KCNK2: variants seen among roughly 807,000 people sequenced by gnomAD.
The protein encoded by KCNK2 is potassium two pore domain channel subfamily K member 2.
In KCNK2, 21 loss-of-function variants were observed where a neutral mutation model predicts 40.5. The observed-to-expected ratio is 0.52, with a 90% CI of 0.37 to 0.75. KCNK2 has a LOEUF of 0.75. Among genes scored for constraint, KCNK2 ranks in the 30% least tolerant of loss-of-function variants. The pLI, the probability that KCNK2 is intolerant of heterozygous loss-of-function variation, is 0.00. For missense variants in KCNK2, 399 were observed against 531.6 expected (o/e 0.75, Z 2.45); for synonymous variants, 191 against 202.2 (o/e 0.94, Z 0.47).
chr1:215,070,880 T>C (rs1222526957), intron 1 of KCNK2, among the ~76,000 whole-genome samples: 1 of 152,154 alleles, frequency 6.6e-6, no homozygotes, highest in East Asian at 1.9e-4. Context: ...CGATCAAATG[T>C]ATCAGAGGTA....
chr1:215,198,261 GAGCTTTAAGTGAACCCTCCAA>G (rs1207887723), intron 6 of KCNK2, among the ~76,000 whole-genome samples: 1 of 152,154 alleles, frequency 6.6e-6, no homozygotes, highest in Non-Finnish European at 1.5e-5. Flanking sequence ...GCTATGACCA[GAGCTTTAAGTGAACCCTCCAA>G]AGTTTCAGCT....
At chr1:215,152,290 A>G (rs1662719262) in intron 3 of KCNK2, among the ~76,000 whole-genome samples, 2 of 152,140 alleles carry the variant, frequency 1.3e-5, no homozygotes, top group Non-Finnish European at 2.9e-5. Flanking sequence ...AATGAGACAT[A>G]TGGCACTACC....
intron 1 of KCNK2, among the ~76,000 whole-genome samples, chr1:215,033,213 T>G (rs978146195): frequency 7.3e-5 from 11 of 151,656 alleles, no homozygotes; most frequent in Admixed American, 2.0e-4. Context: ...TCTTTTTTTT[T>G]TTTTTGTAGT....
In KCNK2 at chr1:215,219,674, T is replaced by A. The variant is rs552528492; in HGVS notation, c.964-15154T>A. Among the ~76,000 whole-genome samples the A allele has an allele frequency of 2.0e-4, 31 of 152,208 alleles. No homozygotes were observed. The South Asian group carries it at 6.0e-3, about 30-fold the overall frequency. ...TTTTCTCTGTCTATTTAATGCATATTTTTTTTGGAAAGGCATTTTGAGATT... is the reference window on the plus strand; with the variant it reads ...TTTTCTCTGTCTATTTAATGCATATATTTTTTGGAAAGGCATTTTGAGATT... On this transcript the variant is annotated intron_variant, in intron 6 of 6. Transcript: ENST00000444842.
At chr1:215,069,586 G>A (rs1658677321) in intron 1 of KCNK2, among the ~76,000 whole-genome samples, 1 of 152,082 alleles carries the variant, frequency 6.6e-6, no homozygotes, top group Admixed American at 6.5e-5. Flanking sequence ...AATGTTTATT[G>A]AGTTCTTAAT....
intron 1 of KCNK2, among the ~76,000 whole-genome samples, chr1:215,042,002 C>T (rs1052341446): frequency 6.6e-6 from 1 of 152,150 alleles, no homozygotes; most frequent in Non-Finnish European, 1.5e-5. Flanking sequence ...AGAGCATTTG[C>T]AGGGGAACTC....
chr1:215,171,934 C>A, intron 4 of KCNK2, 63 bp from the exon 5 acceptor site: 1 of 1,129,086 alleles, frequency 8.9e-7, no homozygotes, highest in Non-Finnish European at 1.2e-6. Context: ...CTCTCTCTCT[C>A]TCTCTCTCCC....
intron 5 of KCNK2, among the ~76,000 whole-genome samples, chr1:215,178,041 T>C (rs1664060539): frequency 6.6e-6 from 1 of 152,076 alleles, no homozygotes; most frequent in Non-Finnish European, 1.5e-5. Flanking sequence ...TTGTGTTACC[T>C]ATAATTTCTT....
Position 215,148,084 on chromosome 1 carries a change from T to C in KCNK2, c.476-21115T>C, listed in dbSNP as rs12734425. ...TTATTTTTTTATTTTCTTTTCCTTTTTTTTTTTTTTTTTTGGCAGGGTCTT... is the reference window on the plus strand; with the variant it reads ...TTATTTTTTTATTTTCTTTTCCTTTCTTTTTTTTTTTTTTGGCAGGGTCTT... On this transcript the variant is annotated intron_variant, in intron 3 of 6. Transcript: ENST00000444842. 9.5e-4 allele frequency among the ~76,000 whole-genome samples: 10 copies of C among 10,492 alleles called. 1 individual carries two copies. Among genetic ancestry groups the C allele is most frequent in the African/African-American group, 1.3e-3 (3 of 2,314 alleles). 6.9% of individuals were successfully genotyped at this position (10,492 alleles called of 152,430 possible).
intron 1 of KCNK2, among the ~76,000 whole-genome samples, chr1:215,075,789 T>G (rs1658906138): frequency 6.6e-6 from 1 of 152,234 alleles, no homozygotes; most frequent in African/African-American, 2.4e-5. Context: ...CTGCCCAGTT[T>G]CTCACAACTG....
intron 6 of KCNK2, among the ~76,000 whole-genome samples, chr1:215,216,339 A>C (rs1010182514): frequency 6.7e-6 from 1 of 149,046 alleles, no homozygotes. Context: ...CCACTAATAT[A>C]GAATATATAT....
At chr1:215,100,662 T>C (rs1388542157) in intron 2 of KCNK2, among the ~76,000 whole-genome samples, 1 of 151,994 alleles carries the variant, frequency 6.6e-6, no homozygotes, top group Non-Finnish European at 1.5e-5. Context: ...TAGGAGATGG[T>C]TTCTCAGAAC....
intron 1 of KCNK2, among the ~76,000 whole-genome samples, chr1:215,072,421 C>T (rs1021400025): frequency 2.0e-5 from 3 of 152,212 alleles, no homozygotes; most frequent in South Asian, 4.1e-4. Flanking sequence ...CATGTTTAGC[C>T]TGCAAACACA....
chr1:215,194,959 C>A lies in KCNK2; in HGVS notation c.830C>A (p.Ser277Tyr), dbSNP rs749010897. 1.1e-5 allele frequency: 18 copies of A among 1,613,106 alleles called. No homozygotes were observed. The highest frequency in any genetic ancestry group is 2.5e-6 in the Non-Finnish European group (3 of 1,179,406). ...IGFGDYVAGG[S>Y]DIEYLDFYKP... ...TACTTTGTTTTGTCTCCAGGTGGAT[C>A]CGATATTGAATATCTGGACTTCTAT... is the stretch of plus-strand genomic sequence containing the variant. Residue 277 changes from serine to tyrosine, a missense_variant, in exon 6 of 7, where the codon TCC becomes TAC. Ser to Tyr is a moderately radical substitution (Grantham distance 144). Around this residue, in one of 3 missense-constraint regions of KCNK2, gnomAD observed 279 missense variants for 353.8 expected, o/e 0.79. Transcript: ENST00000444842.
At chr1:215,086,224 A>T (rs1659427849) in intron 1 of KCNK2, 144 bp from the exon 2 acceptor site, 1 of 642,400 alleles carries the variant, frequency 1.6e-6, no homozygotes. Flanking sequence ...AGATCTAGTG[A>T]CAGCACTCCT....
At chr1:215,013,273 G>A (rs1029537186) in intron 1 of KCNK2, among the ~76,000 whole-genome samples, 3 of 152,188 alleles carry the variant, frequency 2.0e-5, no homozygotes, top group Non-Finnish European at 4.4e-5. Context: ...CTTTGCACTT[G>A]TACTAAAAAT....
At chr1:215,168,615 A>G (rs1408200289) in intron 3 of KCNK2, among the ~76,000 whole-genome samples, 1 of 152,206 alleles carries the variant, frequency 6.6e-6, no homozygotes, top group East Asian at 1.9e-4. Flanking sequence ...AGAAAACCAA[A>G]CACCACATGT....
chr1:215,102,022 G>A (rs749939829), intron 2 of KCNK2, among the ~76,000 whole-genome samples: 35 of 151,662 alleles, frequency 2.3e-4, no homozygotes, highest in African/African-American at 3.6e-4. Flanking sequence ...ATAGTTGTGC[G>A]TATCTTGGGT....
At chr1:215,118,476 G>T (rs1337175794) in intron 2 of KCNK2, among the ~76,000 whole-genome samples, 1 of 152,152 alleles carries the variant, frequency 6.6e-6, no homozygotes, top group East Asian at 1.9e-4. Context: ...GTGGTCACAT[G>T]TAGTGTTGTG....
Sources: allele counts gnomAD v4.1 joint callset (sites outside exome capture counted in the v4.1 genomes callset), GRCh38; gene constraint gnomAD v4.1.1; regional missense constraint gnomAD v4.1.1; transcripts MANE v1.5; gene names NCBI Gene and HGNC (gene_info 2026-07-23, HGNC 2026-07-21).